Variants in RBX1 observed in about 807,000 individuals in gnomAD.
The protein encoded by RBX1 is E3 ubiquitin-protein ligase RBX1.
For synonymous variants in RBX1, 48 were observed against 47.9 expected (o/e 1.00, Z -0.01); for missense variants, 46 against 141.4 (o/e 0.33, Z 3.42).
At chr22:40,959,386 A>G (rs1282597353) in intron 2 of RBX1, among the ~76,000 whole-genome samples, 1 of 152,144 alleles carries the variant, frequency 6.6e-6, no homozygotes, top group Non-Finnish European at 1.5e-5. Flanking sequence ...AAGCTGGAAA[A>G]CTTTTGTATT....
intron 2 of RBX1, among the ~76,000 whole-genome samples, chr22:40,958,387 AT>A (rs2058331271): frequency 1.3e-5 from 2 of 152,312 alleles, no homozygotes; most frequent in South Asian, 2.1e-4. Flanking sequence ...TATAAAGACA[AT>A]TTTTGTTAAA....
At chr22:40,971,614 G>C (rs769669141) in intron 4 of RBX1, among the ~76,000 whole-genome samples, 1 of 152,112 alleles carries the variant, frequency 6.6e-6, no homozygotes, top group Non-Finnish European at 1.5e-5. Context: ...GGAGTGCAGT[G>C]GTTGTGATCT....
At chr22:40,964,147 G>A (rs1379252597) in intron 3 of RBX1, 30 bp downstream of exon 3, 1 of 1,533,376 alleles carries the variant, frequency 6.5e-7, no homozygotes, top group Non-Finnish European at 9.0e-7. Flanking sequence ...TGTCAGCATG[G>A]CTTGTAAACA....
At chr22:40,955,297 TCGC>T in intron 2 of RBX1, among the ~76,000 whole-genome samples, 1 of 151,480 alleles carries the variant, frequency 6.6e-6, no homozygotes, top group Non-Finnish European at 1.5e-5. Context: ...AGACGGGATC[TCGC>T]TTTGTTGCCC....
chr22:40,969,291 G>A (rs918055159), intron 4 of RBX1, among the ~76,000 whole-genome samples: 5 of 152,146 alleles, frequency 3.3e-5, no homozygotes, highest in Admixed American at 1.3e-4. Flanking sequence ...CAACAAGAGC[G>A]AAACTCCATC....
At chr22:40,971,069 T>C (rs1391274189) in intron 4 of RBX1, among the ~76,000 whole-genome samples, 1 of 152,182 alleles carries the variant, frequency 6.6e-6, no homozygotes, top group African/African-American at 2.4e-5. Flanking sequence ...CAGGGGGCCT[T>C]TGTAATTGGC....
intron 2 of RBX1, among the ~76,000 whole-genome samples, chr22:40,962,220 G>A (rs2058342674): frequency 6.6e-6 from 1 of 151,934 alleles, no homozygotes; most frequent in Admixed American, 6.6e-5. Flanking sequence ...TCCTACCTCA[G>A]CCTCCCAAGT....
intron 3 of RBX1, chr22:40,967,407 C>T (rs2146303155): frequency 6.2e-6 from 1 of 160,094 alleles, no homozygotes; most frequent in South Asian, 1.7e-4. Context: ...GGGAGGGAAG[C>T]TAGAGACCCA....
intron 2 of RBX1, among the ~76,000 whole-genome samples, chr22:40,957,905 G>A (rs2058330015): frequency 6.6e-6 from 1 of 151,830 alleles, no homozygotes; most frequent in Non-Finnish European, 1.5e-5. Context: ...GCTTACTGCA[G>A]TCTCCACCTT....
intron 3 of RBX1, chr22:40,964,337 A>C: frequency 2.4e-6 from 1 of 415,384 alleles, no homozygotes; most frequent in East Asian, 4.4e-5. Flanking sequence ...CTTAATTATA[A>C]AGTGGACCCA....
At chr22:40,960,281 G>A (rs1243214036) in intron 2 of RBX1, among the ~76,000 whole-genome samples, 1 of 152,156 alleles carries the variant, frequency 6.6e-6, no homozygotes, top group Admixed American at 6.5e-5. Flanking sequence ...GGTCAGGTAT[G>A]TAAAGAGATA....
chr22:40,959,819 AAAAG>A (rs2058335079), intron 2 of RBX1, among the ~76,000 whole-genome samples: 2 of 151,928 alleles, frequency 1.3e-5, no homozygotes, highest in Non-Finnish European at 2.9e-5. Context: ...CTAAAAGAAA[AAAAG>A]GAATGAATCT....
chr22:40,954,714 ACT>A (rs1253305536), intron 2 of RBX1, among the ~76,000 whole-genome samples: 1 of 148,780 alleles, frequency 6.7e-6, no homozygotes, highest in Non-Finnish European at 1.5e-5. Flanking sequence ...ACTCCTGCTC[ACT>A]CTGTTAGTTT....
rs756160476 is a variant in RBX1, at chr22:40,964,075, C to T, written c.186C>T (p.Ser62=). 2.7e-5 allele frequency: 43 copies of T among 1,613,890 alleles called. No individual in the cohort carries two copies. Among genetic ancestry groups the T allele is most frequent in the Non-Finnish European group, 3.6e-5 (42 of 1,179,946 alleles). ...TAGAATGTCAAGCTAACCAGGCGTC[C>T]GCTACTTCAGAAGAGTGTACTGTCG... ...LCIECQANQA[S]ATSEECTVAW... Residue 62 remains serine, a synonymous_variant, in exon 3 of 5, where the codon TCC becomes TCT. Transcript: ENST00000216225.
At chr22:40,958,519 C>T (rs140680452) in intron 2 of RBX1, among the ~76,000 whole-genome samples, 13 of 152,138 alleles carry the variant, frequency 8.5e-5, no homozygotes, top group Non-Finnish European at 1.3e-4. Context: ...GTGCCCTAGT[C>T]GGATTCTGAA....
In RBX1 at chr22:40,965,422, G is replaced by GT. The variant is rs569236928; in HGVS notation, c.228+1316dup. 5.1e-3 allele frequency among the ~76,000 whole-genome samples: 702 copies of GT among 138,946 alleles called. 9 individuals are homozygous for GT. Among genetic ancestry groups the GT allele is most frequent in the South Asian group, 0.042 (179 of 4,248 alleles). 91.2% of individuals were successfully genotyped at this position (138,946 alleles called of 152,430 possible). A position where few individuals can be genotyped will look rare whatever the true frequency, so the allele number is the denominator to read the frequency against. On this transcript the variant is annotated intron_variant, in intron 3 of 4. Transcript: ENST00000216225. ...TTTTTCCTACCTACACTGGTTTTTT[G>GT]TTTTTTTTTTTGTTTTTTGTTTTTT...
chr22:40,967,629 C>A, intron 3 of RBX1, 170 bp from the exon 4 acceptor site: 1 of 546,846 alleles, frequency 1.8e-6, no homozygotes, highest in Non-Finnish European at 3.3e-6. Context: ...TGGAAATACC[C>A]TTGCATCTAA....
intron 4 of RBX1, among the ~76,000 whole-genome samples, 189 bp from the exon 5 acceptor site, chr22:40,972,287 C>T (rs1569046771): frequency 6.6e-6 from 1 of 152,110 alleles, no homozygotes; most frequent in African/African-American, 2.4e-5. Flanking sequence ...GCAAGAAGTC[C>T]TGTAAGATGG....
intron 4 of RBX1, among the ~76,000 whole-genome samples, chr22:40,970,748 C>CA (rs1236188329): frequency 2.6e-5 from 4 of 151,696 alleles, no homozygotes; most frequent in African/African-American, 9.7e-5. Context: ...TTAAAAAAAC[C>CA]AAAAAATAGG....
Sources: gnomAD v4.1 joint callset for allele counts (sites outside exome capture counted in the v4.1 genomes callset) on GRCh38, gnomAD v4.1.1 for gene constraint, MANE v1.5 for transcripts, NCBI Gene and HGNC (gene_info 2026-07-23, HGNC 2026-07-21) for gene names.